Variants in RBFOX1 observed in about 807,000 individuals in gnomAD.
RBFOX1 encodes the protein RNA binding fox-1 homolog 1.
In RBFOX1, 8 loss-of-function variants were observed where a neutral mutation model predicts 57.7. That is an observed-to-expected ratio of 0.14 (90% CI 0.08 to 0.25). RBFOX1 has a LOEUF of 0.25. RBFOX1 is among the 10% of genes least tolerant of loss of function. The pLI is 1.00. For synonymous variants in RBFOX1, 326 were observed against 222.4 expected (o/e 1.47, Z -4.15); for missense variants, 611 against 548.5 (o/e 1.11, Z -1.14).
chr16:5,481,017 C>A (rs549421754), intron 2 of RBFOX1, among the ~76,000 whole-genome samples: 30 of 152,368 alleles, frequency 2.0e-4, no homozygotes, highest in African/African-American at 5.5e-4. Flanking sequence ...CCTACACAAT[C>A]AGAACATTGA....
rs766411535 is a variant in RBFOX1 at position 6,163,986 on chromosome 16, T to C, written c.-127+143994T>C. 8.2e-4 allele frequency among the ~76,000 whole-genome samples: 125 copies of C among 152,230 alleles called. 1 individual carries two copies. The highest frequency in any genetic ancestry group is 1.6e-3 in the Non-Finnish European group (110 of 68,036). Reference sequence around the variant, plus strand: ...AGGTGGTTATAATAGAGACACAGATTAACATATTGTCACAGAGTTACATTT... The same window carrying C: ...AGGTGGTTATAATAGAGACACAGATCAACATATTGTCACAGAGTTACATTT... On this transcript the variant is annotated intron_variant, in intron 1 of 15. Coordinates refer to ENST00000550418, the MANE Select transcript of RBFOX1 (RefSeq NM_018723.4).
intron 1 of RBFOX1, among the ~76,000 whole-genome samples, chr16:6,208,564 T>C (rs2152843528): frequency 6.6e-6 from 1 of 152,322 alleles, no homozygotes; most frequent in South Asian, 2.1e-4. Flanking sequence ...CCCCTTTATC[T>C]TACAAAGTGC....
chr16:7,267,042 G>C (rs2153095065), intron 4 of RBFOX1, among the ~76,000 whole-genome samples: 1 of 152,264 alleles, frequency 6.6e-6, no homozygotes, highest in South Asian at 2.1e-4. Context: ...GTAGACAGGA[G>C]GCCAGCATAC....
At chr16:6,483,601 A>AGAGG (rs1478960287) in intron 2 of RBFOX1, 11 of 1,275,494 alleles carry the variant, frequency 8.6e-6, no homozygotes, top group Admixed American at 4.7e-5. Flanking sequence ...AAAGAGGGAG[A>AGAGG]GAGGGAGGGA....
intron 2 of RBFOX1, among the ~76,000 whole-genome samples, chr16:6,599,881 C>T (rs1601094076): frequency 6.6e-6 from 1 of 152,216 alleles, no homozygotes; most frequent in Non-Finnish European, 1.5e-5. Context: ...ACTAGAACAG[C>T]ACCCTGCACA....
At chr16:6,854,587 A>ATTTTTTTTTTTGT (rs2057452250) in intron 3 of RBFOX1, among the ~76,000 whole-genome samples, 1 of 70,650 alleles carries the variant, frequency 1.4e-5, no homozygotes. Context: ...GGAGAGGTGA[A>ATTTTTTTTTTTGT]TTTTTTTTTT....
intron 14 of RBFOX1, among the ~76,000 whole-genome samples, chr16:7,707,214 C>T (rs2082741505): frequency 6.6e-6 from 1 of 152,134 alleles, no homozygotes; most frequent in African/African-American, 2.4e-5. Flanking sequence ...TTGGAAGATG[C>T]CCAGTGCAAA....
intron 1 of RBFOX1, among the ~76,000 whole-genome samples, chr16:6,248,808 G>A (rs567765599): frequency 7.2e-5 from 11 of 152,098 alleles, no homozygotes; most frequent in South Asian, 2.1e-4. Flanking sequence ...GTCTGTCTTC[G>A]CATCCATAGC....
At chr16:7,698,296 C>A (rs962130815) in intron 14 of RBFOX1, among the ~76,000 whole-genome samples, 3 of 151,802 alleles carry the variant, frequency 2.0e-5, no homozygotes, top group African/African-American at 7.3e-5. Context: ...CCATGCATTC[C>A]CTTAGCAAAT....
At chr16:6,328,104 C>T (rs146107422) in intron 2 of RBFOX1, among the ~76,000 whole-genome samples, 2 of 152,194 alleles carry the variant, frequency 1.3e-5, no homozygotes, top group Non-Finnish European at 2.9e-5. Context: ...TGGAATACTA[C>T]TCAGCCATAA....
At chr16:5,472,073 T>C (rs1396727842) in intron 2 of RBFOX1, among the ~76,000 whole-genome samples, 2 of 152,196 alleles carry the variant, frequency 1.3e-5, no homozygotes, top group East Asian at 1.9e-4. Context: ...TGACGGATGC[T>C]CTTTTCTCAT....
intron 4 of RBFOX1, among the ~76,000 whole-genome samples, chr16:7,294,525 A>G (rs1294509673): frequency 1.1e-5 from 1 of 94,972 alleles, no homozygotes; most frequent in Non-Finnish European, 2.8e-5. Flanking sequence ...TGTTGGCAAG[A>G]AAAAAAAAAA....
chr16:5,506,512 A>C (rs1029692082), intron 2 of RBFOX1, among the ~76,000 whole-genome samples: 25 of 152,164 alleles, frequency 1.6e-4, no homozygotes, highest in Admixed American at 1.6e-3. Context: ...ATAAATAAGT[A>C]CACAAAGGCT....
At position 6,875,576 on chromosome 16, in the gene RBFOX1, G is replaced by A. The variant is rs1022242106; in HGVS notation, c.-15-176481G>A. On this transcript the variant is annotated intron_variant, in intron 3 of 15. Coordinates refer to ENST00000550418, the MANE Select transcript of RBFOX1 (RefSeq NM_018723.4). Reference sequence around the variant, plus strand: ...AGCAAGGCCGTGGTTAAGGAAAATAGTAGATGTGTTAAGACCTTGTTTATT... The same window carrying A: ...AGCAAGGCCGTGGTTAAGGAAAATAATAGATGTGTTAAGACCTTGTTTATT... Among the ~76,000 whole-genome samples the A allele has an allele frequency of 1.4e-4, 22 of 152,364 alleles. No individual in the cohort carries two copies. In the East Asian group the frequency reaches 4.0e-3, roughly 28 times the overall value.
chr16:6,680,675 T>C (rs2154121508), intron 3 of RBFOX1, among the ~76,000 whole-genome samples: 1 of 152,338 alleles, frequency 6.6e-6, no homozygotes, highest in Non-Finnish European at 1.5e-5. Context: ...TATCAAAGTT[T>C]ACCGCTTAGA....
chr16:7,415,672 C>T (rs563116776), intron 4 of RBFOX1, among the ~76,000 whole-genome samples: 3 of 152,174 alleles, frequency 2.0e-5, no homozygotes, highest in Non-Finnish European at 2.9e-5. Context: ...GTGCCACCCT[C>T]TACCAAGAAG....
intron 3 of RBFOX1, among the ~76,000 whole-genome samples, chr16:6,997,052 A>G (rs968327214): frequency 1.3e-5 from 2 of 152,166 alleles, no homozygotes; most frequent in African/African-American, 4.8e-5. Context: ...TTATAAGTAC[A>G]TTGTAGACAG....
At chr16:6,020,721 A>G (rs1024019719) in intron 1 of RBFOX1, among the ~76,000 whole-genome samples, 1 of 152,102 alleles carries the variant, frequency 6.6e-6, no homozygotes. Context: ...GTCAGCTCCA[A>G]TCAACCAATT....
chr16:5,635,111 G>A (rs2048640067), intron 3 of RBFOX1, among the ~76,000 whole-genome samples: 1 of 152,094 alleles, frequency 6.6e-6, no homozygotes, highest in African/African-American at 2.4e-5. Flanking sequence ...GTGTATCACT[G>A]AACTACACTG....
Sources: gnomAD v4.1 joint callset for allele counts (sites outside exome capture counted in the v4.1 genomes callset) on GRCh38, gnomAD v4.1.1 for gene constraint, MANE v1.5 for transcripts, NCBI Gene and HGNC (gene_info 2026-07-23, HGNC 2026-07-21) for gene names.